Variants in SLC12A3 observed in about 807,000 individuals in gnomAD.
SLC12A3 encodes solute carrier family 12 member 3.
In SLC12A3, 104 loss-of-function variants were observed where a neutral mutation model predicts 121.0. The ratio of observed to expected loss-of-function variants is 0.86; its 90% CI spans 0.73 to 1.01. The LOEUF is 1.01. Ranked by LOEUF, SLC12A3 falls within the 50% of genes least tolerant of loss-of-function variation. SLC12A3 has a pLI of 0.00. For missense variants in SLC12A3, 1,328 were observed against 1,356.3 expected, an observed-to-expected ratio of 0.98 and a Z score of 0.33; for synonymous variants, 536 against 533.4, an observed-to-expected ratio of 1.00 and a Z score of -0.07.
chr16:56,876,681 C>T (rs1247476047), intron 8 of SLC12A3, among the ~76,000 whole-genome samples: 1 of 152,236 alleles, frequency 6.6e-6, no homozygotes, highest in African/African-American at 2.4e-5. Context: ...CCTCCCACCT[C>T]CTCCTGGTAG....
In SLC12A3 at chr16:56,882,533, C is replaced by T. The variant is rs1359199345; in HGVS notation, c.1669+36C>T. ...CCTTCACCCACCTCAGGAGGAGGCA[C>T]CCAGGGGGCAGGAGGAACTGGGGCA... On this transcript the variant is annotated intron_variant, in intron 13 of 25. Transcript: ENST00000563236. 6 of 1,533,172 alleles carry T rather than the reference C, an allele frequency of 3.9e-6. No individual in the cohort carries two copies. In the Admixed American group the frequency reaches 1.0e-4, roughly 26 times the overall value. The allele number at this position is 1,533,172 out of a possible 1,614,324, so 95.0% of individuals were successfully genotyped here. A position where few individuals can be genotyped will look rare whatever the true frequency, so the allele number is the denominator to read the frequency against.
At chr16:56,868,250 C>A in intron 2 of SLC12A3, 47 bp from the exon 3 acceptor site, 1 of 1,587,940 alleles carries the variant, frequency 6.3e-7, no homozygotes, top group Non-Finnish European at 8.6e-7. Context: ...TGTCGTTTGG[C>A]CTTGGGGTGT....
At chr16:56,887,798 A>ATATATTTTTT (rs1433682477) in intron 17 of SLC12A3, 127 bp from the exon 18 acceptor site, 8 of 68,434 alleles carry the variant, frequency 1.2e-4, no homozygotes, top group African/African-American at 4.6e-4. Flanking sequence ...ATATATATAT[A>ATATATTTTTT]TTTTTTTTTT....
chr16:56,902,516 G>T lies in SLC12A3; in HGVS notation c.2856+8G>T. 6.2e-7 allele frequency: 1 copy of T among 1,608,710 alleles called. No individual in the cohort carries two copies. The highest frequency in any genetic ancestry group is 1.1e-5 in the South Asian group (1 of 90,742). On this transcript the variant is annotated splice_region_variant and intron_variant, in intron 24 of 25. Coordinates refer to ENST00000563236, the MANE Select transcript of SLC12A3 (RefSeq NM_001126108.2). Reference sequence around the variant, plus strand: ...ACGAAGAACAGAGTCAAGGTGCAGAGAGGGGTGGGGGTGGGAAACGCGACA... The same window carrying T: ...ACGAAGAACAGAGTCAAGGTGCAGATAGGGGTGGGGGTGGGAAACGCGACA...
chr16:56,880,939 G>A (rs1473676319), intron 12 of SLC12A3, among the ~76,000 whole-genome samples: 1 of 152,236 alleles, frequency 6.6e-6, no homozygotes, highest in Non-Finnish European at 1.5e-5. Flanking sequence ...ACCTGTGCAG[G>A]AAGACCTACA....
At chr16:56,896,310 G>A (rs1423671555) in intron 22 of SLC12A3, among the ~76,000 whole-genome samples, 1 of 152,262 alleles carries the variant, frequency 6.6e-6, no homozygotes, top group Non-Finnish European at 1.5e-5. Context: ...ACCTGTGCTT[G>A]TCTCCCGGAG....
At chr16:56,887,798 A>ATATATATATATATATATATAT (rs1433682477) in intron 17 of SLC12A3, 127 bp from the exon 18 acceptor site, 22 of 68,428 alleles carry the variant, frequency 3.2e-4, no homozygotes, top group Non-Finnish European at 5.8e-4. Context: ...ATATATATAT[A>ATATATATATATATATATATAT]TTTTTTTTTT....
chr16:56,887,564 G>A (rs1407036570), intron 17 of SLC12A3, among the ~76,000 whole-genome samples: 1 of 151,472 alleles, frequency 6.6e-6, no homozygotes, highest in African/African-American at 2.4e-5. Flanking sequence ...TTCTCGGAAT[G>A]CCCAGGACCT....
intron 22 of SLC12A3, among the ~76,000 whole-genome samples, chr16:56,895,765 A>G (rs1480248665): frequency 2.0e-5 from 3 of 151,994 alleles, no homozygotes. Flanking sequence ...TTATGATTAC[A>G]TGGTAACATA....
rs765343597 is a variant in SLC12A3 at position 56,872,606 on chromosome 16, G to A, written c.965-50G>A. The A allele has an allele frequency of 3.7e-6, 6 of 1,613,768 alleles. No individual in the cohort carries two copies. In the African/African-American group the frequency reaches 4.0e-5, roughly 11 times the overall value. On this transcript the variant is annotated intron_variant, in intron 7 of 25. Transcript: ENST00000563236. The stretch of plus-strand genomic sequence containing the variant: ...GCCTGCCCAGTGGGTCCCAGCAAGG[G>A]GGGTCAAGCCCTCCAGGTGAGCCTT...
At chr16:56,883,351 G>GCTCA (rs2055266764) in intron 13 of SLC12A3, among the ~76,000 whole-genome samples, 1 of 149,386 alleles carries the variant, frequency 6.7e-6, no homozygotes, top group Admixed American at 6.7e-5. Context: ...CACGATCTCG[G>GCTCA]CTCACTGCAA....
intron 22 of SLC12A3, 57 bp downstream of exon 22, chr16:56,894,699 C>T (rs1173455960): frequency 1.5e-6 from 2 of 1,334,446 alleles, no homozygotes; most frequent in East Asian, 2.3e-5. Flanking sequence ...ATCTTAGCTC[C>T]ACCCAAGGCT....
chr16:56,882,382 C>G lies in SLC12A3; in HGVS notation c.1568-14C>G. On this transcript the variant is annotated splice_polypyrimidine_tract_variant and intron_variant, in intron 12 of 25. Transcript: ENST00000563236. ...GCCCAACAGGCTGTCCTCTCTCTCC[C>G]TGGGTCCCCGAAGCTGAGCTCAACA... 6.2e-7 allele frequency: 1 copy of G among 1,609,206 alleles called. No individual in the cohort carries two copies. Among genetic ancestry groups the G allele is most frequent in the Non-Finnish European group, 8.5e-7 (1 of 1,175,478 alleles).
chr16:56,879,499 C>T, intron 10 of SLC12A3, 43 bp from the exon 11 acceptor site: 1 of 1,497,626 alleles, frequency 6.7e-7, no homozygotes, highest in Middle Eastern at 1.7e-4. Flanking sequence ...GGGCTCCTGG[C>T]TCAGCCCCCA....
At chr16:56,876,498 G>A (rs1348991116) in intron 8 of SLC12A3, among the ~76,000 whole-genome samples, 1 of 152,192 alleles carries the variant, frequency 6.6e-6, no homozygotes, top group African/African-American at 2.4e-5. Context: ...GCCCTGGGGT[G>A]GAGACTCCAC....
At position 56,915,349 on chromosome 16, in the gene SLC12A3, C is replaced by T. The variant is rs547175025; in HGVS notation, c.*1944C>T. 2 of 152,330 alleles carry T rather than the reference C, an allele frequency of 1.3e-5. No individual in the cohort carries two copies. The highest frequency in any genetic ancestry group is 4.8e-5 in the African/African-American group (2 of 41,578). The allele number at this position is 152,330 out of a possible 1,614,324, so 9.4% of individuals were successfully genotyped here. A position where few individuals can be genotyped will look rare whatever the true frequency, so the allele number is the denominator to read the frequency against. On this transcript the variant is annotated 3_prime_UTR_variant, in exon 26 of 26. Transcript: ENST00000563236. ...AATTTAGAAGGAGATCTGAAGTCTC[C>T]TTTCTGGAGTTACAACCCAAAGGAT...
intron 24 of SLC12A3, 80 bp from the exon 25 acceptor site, chr16:56,904,315 T>C (rs771316252): frequency 7.9e-5 from 101 of 1,272,002 alleles, no homozygotes; most frequent in Middle Eastern, 5.6e-4. Context: ...GTTGAAAATG[T>C]TAATGAGGCC....
intron 8 of SLC12A3, among the ~76,000 whole-genome samples, chr16:56,874,817 C>T (rs1254280614): frequency 6.6e-6 from 1 of 151,920 alleles, no homozygotes; most frequent in African/African-American, 2.4e-5. Flanking sequence ...ACCTCACCCC[C>T]CCGCAAAAAA....
intron 15 of SLC12A3, 45 bp downstream of exon 15, chr16:56,885,409 A>G: frequency 3.2e-6 from 4 of 1,253,226 alleles, no homozygotes; most frequent in Non-Finnish European, 4.6e-6. Flanking sequence ...AGGGCCAGTG[A>G]TGGCTCCACC....
Sources: allele counts gnomAD v4.1 joint callset (sites outside exome capture counted in the v4.1 genomes callset), GRCh38; gene constraint gnomAD v4.1.1; transcripts MANE v1.5; gene names NCBI Gene and HGNC (gene_info 2026-07-23, HGNC 2026-07-21).